Variants in SLC14A2 observed in about 807,000 individuals in gnomAD.
The protein encoded by SLC14A2 is urea transporter 2.
A neutral mutation model predicts 104.6 loss-of-function variants in SLC14A2; 91 were observed. The ratio of observed to expected loss-of-function variants is 0.87; its 90% CI spans 0.73 to 1.04. SLC14A2 has a LOEUF of 1.04. Among genes scored for constraint, SLC14A2 ranks in the 50% least tolerant of loss-of-function variants. The pLI, the probability that SLC14A2 is intolerant of heterozygous loss-of-function variation, is 0.00. For synonymous variants in SLC14A2, 476 were observed against 466.4 expected, an observed-to-expected ratio of 1.02 and a Z score of -0.27; for missense variants, 1,189 against 1,156.0, an observed-to-expected ratio of 1.03 and a Z score of -0.41.
intron 19 of SLC14A2, among the ~76,000 whole-genome samples, chr18:45,681,492 G>A (rs1226143460): frequency 6.6e-6 from 1 of 152,184 alleles, no homozygotes; most frequent in Non-Finnish European, 1.5e-5. Context: ...AATGAAGAGT[G>A]GAGAAGAGTA....
At chr18:45,413,790 C>A (rs913198879) in intron 1 of SLC14A2, among the ~76,000 whole-genome samples, 1 of 152,134 alleles carries the variant, frequency 6.6e-6, no homozygotes, top group African/African-American at 2.4e-5. Flanking sequence ...AGCTGTATGA[C>A]TTTAGGAAAA....
intron 1 of SLC14A2, among the ~76,000 whole-genome samples, chr18:45,307,342 CG>C (rs1239649456): frequency 2.6e-4 from 37 of 143,162 alleles, no homozygotes; most frequent in African/African-American, 9.6e-4. Flanking sequence ...CGCTTGAACC[CG>C]GGAGGTGGAG....
At chr18:45,668,576 C>T (rs2046073733) in intron 15 of SLC14A2, 99 bp downstream of exon 15, 2 of 1,352,026 alleles carry the variant, frequency 1.5e-6, no homozygotes, top group African/African-American at 1.4e-5. Context: ...ATTAAAGTGG[C>T]ATGTATTTAG....
chr18:45,577,335 T>C (rs2044430803), intron 2 of SLC14A2, among the ~76,000 whole-genome samples: 1 of 152,106 alleles, frequency 6.6e-6, no homozygotes, highest in Admixed American at 6.5e-5. Flanking sequence ...TATCTTGCCT[T>C]TTATGAGCTA....
the SLC14A2 span, among the ~76,000 whole-genome samples, chr18:45,205,549 T>C: frequency 6.6e-6 from 1 of 152,160 alleles, no homozygotes; most frequent in Admixed American, 6.5e-5. Flanking sequence ...GTCATTGTTG[T>C]TGTGGTGCTT....
At position 45,390,208 on chromosome 18, in the gene SLC14A2, C is replaced by G. The variant is rs565974728; in HGVS notation, c.-124-93025C>G. Among the ~76,000 whole-genome samples, 13 of 152,262 alleles carry G rather than the reference C, an allele frequency of 8.5e-5. No homozygotes were observed. In the South Asian group the frequency reaches 2.7e-3, roughly 32 times the overall value. ...AGAAAACCAAGTTCTGAGACTGGCT[C>G]TGATATGTCCAGGTGGTACCAACAG... On this transcript the variant is annotated intron_variant, in intron 1 of 20. Transcript: ENST00000586448.
chr18:45,618,965 A>G (rs2045119917), intron 1 of SLC14A2, among the ~76,000 whole-genome samples: 1 of 152,184 alleles, frequency 6.6e-6, no homozygotes, highest in Non-Finnish European at 1.5e-5. Flanking sequence ...TAATCAGGAA[A>G]AGAATTTCAA....
At chr18:45,572,882 A>G (rs2044367898) in intron 2 of SLC14A2, among the ~76,000 whole-genome samples, 1 of 152,230 alleles carries the variant, frequency 6.6e-6, no homozygotes, top group Non-Finnish European at 1.5e-5. Flanking sequence ...GAGGTTTAAA[A>G]AAAAATTCTA....
chr18:45,288,399 G>T (rs1306479919), intron 1 of SLC14A2, among the ~76,000 whole-genome samples: 5 of 152,152 alleles, frequency 3.3e-5, no homozygotes, highest in Non-Finnish European at 7.3e-5. Flanking sequence ...ACCCTCAGTG[G>T]GGCAGGAGCA....
intron 1 of SLC14A2, among the ~76,000 whole-genome samples, chr18:45,615,836 TGAGAGA>T (rs779783446): frequency 0.038 from 5,596 of 148,622 alleles, 115 homozygotes; most frequent in Non-Finnish European, 0.058. Context: ...TGTGTGTGTG[TGAGAGA>T]GAGAGAGAGA....
chr18:45,506,028 C>CCTGCTTA (rs1474209195), intron 2 of SLC14A2, among the ~76,000 whole-genome samples: 10 of 152,194 alleles, frequency 6.6e-5, no homozygotes, highest in African/African-American at 2.2e-4. Flanking sequence ...CTCACCGCTT[C>CCTGCTTA]CTGCTTACTG....
At chr18:45,231,957 A>G (rs1045637434) in intron 1 of SLC14A2, among the ~76,000 whole-genome samples, 7 of 152,204 alleles carry the variant, frequency 4.6e-5, no homozygotes, top group Admixed American at 2.0e-4. Context: ...GGAAGAAGCA[A>G]CTGATGAAGC....
At chr18:45,197,725 C>T in the SLC14A2 span, among the ~76,000 whole-genome samples, 1 of 152,228 alleles carries the variant, frequency 6.6e-6, no homozygotes, top group Non-Finnish European at 1.5e-5. Context: ...TCCCCCTGAA[C>T]AATGCGTCTC....
rs1598753707 is a variant in SLC14A2 at position 45,396,534 on chromosome 18, G to C, written c.-124-86699G>C. On this transcript the variant is annotated intron_variant, in intron 1 of 20. Transcript: ENST00000586448. ...GTCACTTTCTATGATTTTTTATTTT[G>C]GGGGGTTTTCCATTTATTTGTTTCT... 2.6e-5 allele frequency among the ~76,000 whole-genome samples: 4 copies of C among 151,738 alleles called. No homozygotes were observed. In the South Asian group the frequency reaches 8.3e-4, roughly 32 times the overall value.
At chr18:45,518,771 A>C (rs998794023) in intron 2 of SLC14A2, among the ~76,000 whole-genome samples, 2 of 152,214 alleles carry the variant, frequency 1.3e-5, no homozygotes, top group African/African-American at 4.8e-5. Context: ...TTTTCTTAGA[A>C]AAAAAGAGCA....
Position 45,583,586 on chromosome 18 carries a change from A to C in SLC14A2, c.-34-41045A>C, listed in dbSNP as rs147314324. 1.6e-4 allele frequency among the ~76,000 whole-genome samples: 24 copies of C among 152,334 alleles called. No homozygotes were observed. The East Asian group carries it at 4.1e-3, about 26-fold the overall frequency. ...GTGGATGAATGAATAAATGAATGAG[A>C]TAAGACAGGCACTAGGGGAAAGAAA... On this transcript the variant is annotated intron_variant, in intron 2 of 20. Transcript: ENST00000586448.
At chr18:45,497,188 G>A (rs899400210) in intron 2 of SLC14A2, among the ~76,000 whole-genome samples, 1 of 152,144 alleles carries the variant, frequency 6.6e-6, no homozygotes, top group Non-Finnish European at 1.5e-5. Flanking sequence ...GAAAGTGATT[G>A]CTGGATTTCT....
At chr18:45,562,507 CT>C (rs1255782402) in intron 2 of SLC14A2, among the ~76,000 whole-genome samples, 2 of 152,236 alleles carry the variant, frequency 1.3e-5, no homozygotes, top group Non-Finnish European at 2.9e-5. Context: ...AGCAAGTGTC[CT>C]GGGGCAGGAC....
At chr18:45,371,798 C>T (rs1428636789) in intron 1 of SLC14A2, among the ~76,000 whole-genome samples, 1 of 152,204 alleles carries the variant, frequency 6.6e-6, no homozygotes, top group African/African-American at 2.4e-5. Context: ...TTTCTTTACT[C>T]AGTGTCTGTT....
Sources: gnomAD v4.1 joint callset for allele counts (sites outside exome capture counted in the v4.1 genomes callset) on GRCh38, gnomAD v4.1.1 for gene constraint, MANE v1.5 for transcripts, NCBI Gene and HGNC (gene_info 2026-07-23, HGNC 2026-07-21) for gene names.